LRRC37A3: variants seen among roughly 807,000 people sequenced by gnomAD.
LRRC37A3 encodes leucine-rich repeat-containing protein 37A3.
A neutral mutation model predicts 106.2 loss-of-function variants in LRRC37A3; 25 were observed. That is an observed-to-expected ratio of 0.24 (90% CI 0.17 to 0.33). The LOEUF (loss-of-function observed/expected upper bound fraction) is 0.33, where lower values mean the gene tolerates loss of function less well. Among genes scored for constraint, LRRC37A3 ranks in the 10% least tolerant of loss-of-function variants. LRRC37A3 has a pLI of 1.00. For synonymous variants in LRRC37A3, 305 were observed against 635.8 expected, an observed-to-expected ratio of 0.48 and a Z score of 7.83; for missense variants, 712 against 1,644.9, an observed-to-expected ratio of 0.43 and a Z score of 9.81.
At chr17:64,869,504 C>G (rs1479424843) in intron 8 of LRRC37A3, among the ~76,000 whole-genome samples, 4 of 151,626 alleles carry the variant, frequency 2.6e-5, no homozygotes, top group Non-Finnish European at 5.9e-5. Context: ...GTATTTCTAG[C>G]AACCTCCATA....
In LRRC37A3 at chr17:64,896,869, T is replaced by C. The variant is rs1356737600; in HGVS notation, c.389A>G (p.Gln130Arg). 1 of 1,609,246 alleles carries C rather than the reference T, an allele frequency of 6.2e-7. No individual in the cohort carries two copies. Among genetic ancestry groups the C allele is most frequent in the East Asian group, 2.2e-5 (1 of 44,892 alleles). Residue 130 changes from glutamine to arginine, a missense_variant, in exon 4 of 15, where the codon CAG becomes CGG. By Grantham distance (43) the Gln-to-Arg change is conservative. Transcript: ENST00000584306. ...ACTCAGCTTGTCCTTTAAATCCTGC[T>C]GTGAAGCCAAGAACTGCTCTGGCTC... is the stretch of plus-strand genomic sequence containing the variant. The part of the protein sequence containing the change: ...PLEPEQFLAS[Q>R]QDLKDKLSPQ...
At chr17:64,867,476 C>T (rs1471829345) in intron 10 of LRRC37A3, among the ~76,000 whole-genome samples, 1 of 152,120 alleles carries the variant, frequency 6.6e-6, no homozygotes, top group Non-Finnish European at 1.5e-5. Context: ...CCAGGACCCC[C>T]TGCAGATAGA....
At chr17:64,905,045 TTTA>T (rs1369764888) in intron 2 of LRRC37A3, among the ~76,000 whole-genome samples, 1 of 150,786 alleles carries the variant, frequency 6.6e-6, no homozygotes, top group African/African-American at 2.5e-5. Context: ...ATTAAATAAA[TTTA>T]TTAATTAATA....
chr17:64,917,027 C>T (rs1433012046), intron 2 of LRRC37A3, among the ~76,000 whole-genome samples: 1 of 151,120 alleles, frequency 6.6e-6, no homozygotes, highest in Non-Finnish European at 1.5e-5. Context: ...GGGCAGATCA[C>T]GAGGTCAGGA....
intron 2 of LRRC37A3, chr17:64,909,905 ACT>A (rs1974547438): frequency 6.6e-6 from 1 of 151,930 alleles, no homozygotes; most frequent in Admixed American, 6.6e-5. Context: ...AATGGCACAG[ACT>A]CTGTACCACC....
At chr17:64,874,760 C>T (rs1973450955) in intron 8 of LRRC37A3, among the ~76,000 whole-genome samples, 1 of 152,218 alleles carries the variant, frequency 6.6e-6, no homozygotes, top group Non-Finnish European at 1.5e-5. Context: ...AAGAAAAATT[C>T]TTCTGCCTTG....
Position 64,859,843 on chromosome 17 carries a change from C to T in LRRC37A3, c.4303G>A (p.Gly1435Arg). 6.2e-7 allele frequency: 1 copy of T among 1,612,288 alleles called. No individual in the cohort carries two copies. The highest frequency in any genetic ancestry group is 8.5e-7 in the Non-Finnish European group (1 of 1,179,784). Residue 1435 changes from glycine to arginine, a missense_variant, in exon 12 of 15, where the codon GGG becomes AGG. Coordinates refer to ENST00000584306, the MANE Select transcript of LRRC37A3 (RefSeq NM_199340.5). ...ADSAGTAFNL[G>R]PTVKQTETKW... ...GTCTCAGTTTGTTTAACAGTTGGCC[C>T]TAAGTTGAATGCAGTCCCAGCGGAA...
rs1491179388 is a variant in LRRC37A3, at chr17:64,866,628, A to ATAT, written c.3053+1833_3053+1834insATA. 6.3e-3 allele frequency among the ~76,000 whole-genome samples: 113 copies of ATAT among 17,884 alleles called. 4 individuals are homozygous for ATAT. The highest frequency in any genetic ancestry group is 7.4e-3 in the Non-Finnish European group (86 of 11,590). 11.7% of individuals were successfully genotyped at this position (17,884 alleles called of 152,430 possible). A position where few individuals can be genotyped will look rare whatever the true frequency, so the allele number is the denominator to read the frequency against. ...TATATATATATATATATATATATAT[A>ATAT]TTTTTTTTTTTTTTTTTTTTTAGAC... On this transcript the variant is annotated intron_variant, in intron 10 of 14. Transcript: ENST00000584306.
At chr17:64,870,083 ATT>A (rs904361471) in intron 8 of LRRC37A3, among the ~76,000 whole-genome samples, 79 of 110,380 alleles carry the variant, frequency 7.2e-4, no homozygotes, top group Non-Finnish European at 8.6e-4. Context: ...CAGAGACCAC[ATT>A]TTTTTTTTTT....
At chr17:64,884,545 T>C (rs1973813557) in intron 8 of LRRC37A3, among the ~76,000 whole-genome samples, 1 of 150,150 alleles carries the variant, frequency 6.7e-6, no homozygotes, top group African/African-American at 2.5e-5. Context: ...TTTGTGTTTT[T>C]AGTAGAGACA....
chr17:64,861,017 G>C (rs1168282293), intron 11 of LRRC37A3, 44 bp from the exon 12 acceptor site: 3 of 1,612,310 alleles, frequency 1.9e-6, no homozygotes, highest in Non-Finnish European at 1.7e-6. Flanking sequence ...AAGATGATGG[G>C]ATGGGATGCA....
chr17:64,908,875 C>T (rs1283844278), intron 2 of LRRC37A3, among the ~76,000 whole-genome samples: 2 of 142,018 alleles, frequency 1.4e-5, no homozygotes, highest in African/African-American at 6.3e-5. Context: ...CCAGCCTGGG[C>T]AACACAGGGA....
intron 8 of LRRC37A3, among the ~76,000 whole-genome samples, chr17:64,876,464 T>G (rs1199893279): frequency 7.9e-5 from 12 of 152,172 alleles, no homozygotes; most frequent in Admixed American, 3.9e-4. Context: ...GGATGACAGG[T>G]GTGAGCCACT....
rs372173769 is a variant in LRRC37A3, at chr17:64,860,562, G to A, written c.3584C>T (p.Ala1195Val). The change falls in exon 12 of 15, where the codon GCA becomes GTA. Residue 1195 changes from alanine (A) to valine (V), a missense_variant. Physicochemically the swap from Ala to Val is moderately conservative, Grantham distance 64. Coordinates refer to ENST00000584306, the MANE Select transcript of LRRC37A3 (RefSeq NM_199340.5). ...TTCTTCGGCAGTGTTCTCCACAGAT[G>A]CCTGGGCACCCTGTTCCCTCCTGAT... is the stretch of plus-strand genomic sequence containing the variant. ...QSIRREQGAQASVENTAEEKR... is the reference protein window; with the variant it reads ...QSIRREQGAQVSVENTAEEKR... 6.5e-5 allele frequency: 105 copies of A among 1,613,144 alleles called. No homozygotes were observed. The highest frequency in any genetic ancestry group is 7.8e-5 in the Non-Finnish European group (92 of 1,179,878).
chr17:64,859,973 T>C lies in LRRC37A3; in HGVS notation c.4173A>G (p.Thr1391=). Residue 1391 remains threonine, a synonymous_variant, in exon 12 of 15, where the codon ACA becomes ACG. Coordinates refer to ENST00000584306, the MANE Select transcript of LRRC37A3 (RefSeq NM_199340.5). The stretch of plus-strand genomic sequence containing the variant: ...TTTCTTCAAAGGCATTTCTTGCAGT[T>C]GTGTCTTTTGTATTATTGTTTTCTA... ...HFIENNNTKD[T]TARNAFEENV... is the part of the protein sequence containing the mutation. The C allele has an allele frequency of 1.2e-6, 2 of 1,613,732 alleles. No homozygotes were observed. The highest frequency in any genetic ancestry group is 1.7e-6 in the Non-Finnish European group (2 of 1,179,882).
At position 64,866,610 on chromosome 17, in the gene LRRC37A3, ATATATATATATATATATATTTTT is replaced by A. The variant is rs1256658025; in HGVS notation, c.3053+1829_3053+1851del. ...CGTACATATATATATATATATATAT[ATATATATATATATATATATTTTT>A]TTTTTTTTTTTTTTTTAGACAGGGT... On this transcript the variant is annotated intron_variant, in intron 10 of 14. Coordinates refer to ENST00000584306, the MANE Select transcript of LRRC37A3 (RefSeq NM_199340.5). Among the ~76,000 whole-genome samples, 17 of 20,206 alleles carry A rather than the reference ATATATATATATATATATATTTTT, an allele frequency of 8.4e-4. 2 individuals are homozygous for A. The highest frequency in any genetic ancestry group is 4.1e-3 in the African/African-American group (14 of 3,402). The allele number at this position is 20,206 out of a possible 152,430, so 13.3% of individuals were successfully genotyped here.
intron 2 of LRRC37A3, among the ~76,000 whole-genome samples, chr17:64,910,637 C>CTTTTTTT (rs926231139): frequency 4.7e-4 from 45 of 96,488 alleles, no homozygotes; most frequent in East Asian, 1.1e-3. Context: ...ATTGTCCCCC[C>CTTTTTTT]TTTTTTTTTT....
chr17:64,875,094 A>T (rs1973463143), intron 8 of LRRC37A3, among the ~76,000 whole-genome samples: 1 of 152,076 alleles, frequency 6.6e-6, no homozygotes, highest in Non-Finnish European at 1.5e-5. Context: ...ATGATCAATA[A>T]AAAAAATTAA....
chr17:64,870,159 T>G (rs1280028609), intron 8 of LRRC37A3, among the ~76,000 whole-genome samples: 1 of 150,962 alleles, frequency 6.6e-6, no homozygotes, highest in Non-Finnish European at 1.5e-5. Context: ...GGCGCAATCT[T>G]GGCTCACTGC....
Sources: gnomAD v4.1 joint callset for allele counts (sites outside exome capture counted in the v4.1 genomes callset) on GRCh38, gnomAD v4.1.1 for gene constraint, MANE v1.5 for transcripts, NCBI Gene and HGNC (gene_info 2026-07-23, HGNC 2026-07-21) for gene names.